TSHZ2: variants seen among roughly 807,000 people sequenced by gnomAD.
The protein encoded by TSHZ2 is teashirt homolog 2.
A neutral mutation model predicts 74.4 loss-of-function variants in TSHZ2; 21 were observed. The observed-to-expected ratio is 0.28, with a 90% CI of 0.20 to 0.41. The LOEUF is 0.41. TSHZ2 is among the 10% of genes least tolerant of loss of function. The probability of loss-of-function intolerance (pLI) is 1.00; values close to 1 mark genes in which losing one functional copy is unlikely to be tolerated. For missense variants in TSHZ2, 1,244 were observed against 1,293.5 expected (o/e 0.96, Z 0.59); for synonymous variants, 540 against 515.3 (o/e 1.05, Z -0.65).
At chr20:53,144,430 CAGTT>C (rs1028412650) in intron 1 of TSHZ2, among the ~76,000 whole-genome samples, 2 of 152,140 alleles carry the variant, frequency 1.3e-5, no homozygotes, top group African/African-American at 4.8e-5. Context: ...AAGATGGAGT[CAGTT>C]AGGTCAGATC....
intron 2 of TSHZ2, among the ~76,000 whole-genome samples, chr20:53,314,178 C>T (rs531989683): frequency 4.0e-5 from 6 of 151,750 alleles, no homozygotes; most frequent in African/African-American, 1.2e-4. Flanking sequence ...GTCCCAACTA[C>T]TTGGGAGGCT....
At chr20:53,057,788 G>C (rs775606862) in intron 1 of TSHZ2, among the ~76,000 whole-genome samples, 1 of 152,178 alleles carries the variant, frequency 6.6e-6, no homozygotes, top group African/African-American at 2.4e-5. Flanking sequence ...AGGGAGTGAG[G>C]TGCAGGTAAG....
chr20:53,406,373 A>G (rs552191568), intron 2 of TSHZ2, among the ~76,000 whole-genome samples: 1 of 152,342 alleles, frequency 6.6e-6, no homozygotes, highest in East Asian at 1.9e-4. Context: ...GACATTATTC[A>G]AATTACATTT....
intron 2 of TSHZ2, among the ~76,000 whole-genome samples, chr20:53,364,367 C>T (rs1981179234): frequency 6.6e-6 from 1 of 152,186 alleles, no homozygotes; most frequent in Non-Finnish European, 1.5e-5. Flanking sequence ...CTTGCCTTCC[C>T]GCTCAGCATG....
intron 1 of TSHZ2, among the ~76,000 whole-genome samples, chr20:53,021,655 C>G (rs1983251657): frequency 6.6e-6 from 1 of 152,162 alleles, no homozygotes. Context: ...TGGGACCAGC[C>G]TTTACCAACT....
chr20:53,116,502 A>C (rs926813071), intron 1 of TSHZ2, among the ~76,000 whole-genome samples: 1 of 151,750 alleles, frequency 6.6e-6, no homozygotes, highest in Non-Finnish European at 1.5e-5. Context: ...CCTGCCCTCC[A>C]CCCCACGGCT....
intron 1 of TSHZ2, among the ~76,000 whole-genome samples, chr20:53,117,171 A>T (rs898574707): frequency 6.6e-6 from 1 of 152,158 alleles, no homozygotes; most frequent in Non-Finnish European, 1.5e-5. Context: ...ATACCAACCC[A>T]TTGGGAGTTA....
intron 2 of TSHZ2, among the ~76,000 whole-genome samples, chr20:53,262,576 C>T (rs1990625698): frequency 1.3e-5 from 2 of 152,200 alleles, no homozygotes; most frequent in Non-Finnish European, 2.9e-5. Flanking sequence ...GAGCTTGACA[C>T]TTCACATAAA....
chr20:53,091,702 G>A (rs1472223244), intron 1 of TSHZ2, among the ~76,000 whole-genome samples: 2 of 152,136 alleles, frequency 1.3e-5, no homozygotes, highest in Non-Finnish European at 2.9e-5. Context: ...TGTAGAGAAA[G>A]CACTCCATTA....
intron 2 of TSHZ2, among the ~76,000 whole-genome samples, chr20:53,260,208 T>C (rs569527028): frequency 6.6e-6 from 1 of 152,366 alleles, no homozygotes; most frequent in South Asian, 2.1e-4. Context: ...CCAATTGTAA[T>C]AGCAAAACAT....
intron 1 of TSHZ2, among the ~76,000 whole-genome samples, chr20:53,033,651 CT>C (rs61445726): frequency 7.1e-3 from 417 of 58,988 alleles, no homozygotes; most frequent in Non-Finnish European, 0.011. Flanking sequence ...TGATAAAAAG[CT>C]TTTTTTTTTT....
chr20:53,286,753 G>T (rs543113418), intron 2 of TSHZ2, among the ~76,000 whole-genome samples: 2 of 152,186 alleles, frequency 1.3e-5, no homozygotes, highest in East Asian at 1.9e-4. Flanking sequence ...ACTTAGTCAG[G>T]TAGGGTAGTG....
chr20:53,066,796 A>G (rs766238831), intron 1 of TSHZ2, among the ~76,000 whole-genome samples: 11 of 152,110 alleles, frequency 7.2e-5, no homozygotes, highest in African/African-American at 1.2e-4. Flanking sequence ...GTGAGCCACC[A>G]CGAAGCTATT....
At chr20:53,031,353 C>A (rs560580195) in intron 1 of TSHZ2, among the ~76,000 whole-genome samples, 1 of 152,240 alleles carries the variant, frequency 6.6e-6, no homozygotes, top group South Asian at 2.1e-4. Context: ...TTATAGGAGG[C>A]CTCCTCTGTC....
In TSHZ2 at chr20:53,494,271, G is replaced by A. The variant is rs1298050697; in HGVS notation, c.*7136G>A. 1 of 150,614 alleles carries A rather than the reference G, an allele frequency of 6.6e-6. No individual in the cohort carries two copies. The highest frequency in any genetic ancestry group is 1.5e-5 in the Non-Finnish European group (1 of 68,102). 9.3% of individuals were successfully genotyped at this position (150,614 alleles called of 1,614,324 possible). The stretch of plus-strand genomic sequence containing the variant: ...CCACTGCACTCCAGCCTGGGCAACA[G>A]AGCAAGACTGTGTCTCAAAAAAAAA... On this transcript the variant is annotated 3_prime_UTR_variant, in exon 3 of 3. Transcript: ENST00000371497.
chr20:53,304,030 ATTCT>A (rs1353973639), intron 2 of TSHZ2, among the ~76,000 whole-genome samples: 1 of 150,088 alleles, frequency 6.7e-6, no homozygotes, highest in African/African-American at 2.5e-5. Context: ...CAAACAACAG[ATTCT>A]TTATTATTAT....
At chr20:53,181,872 G>A (rs1488675534) in intron 1 of TSHZ2, among the ~76,000 whole-genome samples, 3 of 152,216 alleles carry the variant, frequency 2.0e-5, no homozygotes, top group African/African-American at 7.2e-5. Flanking sequence ...TAACAGCTGT[G>A]CCCAGACAGC....
intron 1 of TSHZ2, among the ~76,000 whole-genome samples, chr20:53,050,709 AG>A (rs1203293861): frequency 1.3e-5 from 2 of 152,200 alleles, no homozygotes; most frequent in African/African-American, 4.8e-5. Context: ...AAAGAGCTGA[AG>A]GTAGTAAGTG....
chr20:53,302,091 T>C (rs929092069), intron 2 of TSHZ2, among the ~76,000 whole-genome samples: 6 of 152,174 alleles, frequency 3.9e-5, no homozygotes, highest in Non-Finnish European at 8.8e-5. Context: ...TTGTAATTTA[T>C]GTATGTTGGC....
Sources: allele counts gnomAD v4.1 joint callset (sites outside exome capture counted in the v4.1 genomes callset), GRCh38; gene constraint gnomAD v4.1.1; transcripts MANE v1.5; gene names NCBI Gene and HGNC (gene_info 2026-07-23, HGNC 2026-07-21).